Variants in CLN8 observed in about 807,000 individuals in gnomAD.
The protein encoded by CLN8 is protein CLN8.
In CLN8, 14 loss-of-function variants were observed where a neutral mutation model predicts 15.7. That is an observed-to-expected ratio of 0.89 (90% CI 0.59 to 1.39). The LOEUF is 1.39. CLN8 is among the 40% of genes most tolerant of loss of function. The pLI is 0.00. For missense variants in CLN8, 415 were observed against 364.0 expected (o/e 1.14, Z -1.14); for synonymous variants, 188 against 151.0 (o/e 1.25, Z -1.80).
chr8:1,770,501 G>C (rs1254006525), intron 1 of CLN8, among the ~76,000 whole-genome samples: 1 of 152,156 alleles, frequency 6.6e-6, no homozygotes, highest in South Asian at 2.1e-4. Flanking sequence ...AGGAGCACAG[G>C]TTTTCGTGAC....
At position 1,774,502 on chromosome 8, in the gene CLN8, C is replaced by G. The variant is rs146208425; in HGVS notation, c.543+2905C>G. ...GATAGATTCTTGCATAGTAGTAGGG[C>G]ATGAGGATTCAACATTTCTCCCCCA... On this transcript the variant is annotated intron_variant, in intron 2 of 2. Transcript: ENST00000331222. Among the ~76,000 whole-genome samples, 780 of 152,266 alleles carry G rather than the reference C, an allele frequency of 5.1e-3. 12 individuals are homozygous for G. Among genetic ancestry groups the G allele is most frequent in the African/African-American group, 0.018 (751 of 41,544 alleles).
chr8:1,770,341 A>G (rs1198515802), intron 1 of CLN8, among the ~76,000 whole-genome samples: 1 of 152,178 alleles, frequency 6.6e-6, no homozygotes, highest in East Asian at 1.9e-4. Flanking sequence ...ATGGAGTGAG[A>G]TGCAGGGGAT....
At chr8:1,773,741 G>C (rs1300504990) in intron 2 of CLN8, 1 of 152,248 alleles carries the variant, frequency 6.6e-6, no homozygotes, top group East Asian at 1.9e-4. Context: ...TGGAGGAAGA[G>C]GCCTTGGCCT....
At chr8:1,760,296 A>C (rs912871197), upstream of CLN8, 4 of 152,088 alleles carry the variant, frequency 2.6e-5, no homozygotes, top group African/African-American at 9.7e-5. Context: ...TGCACCCAAG[A>C]TAAATGTTTG....
rs1467334781 is a variant in CLN8 at position 1,781,937 on chromosome 8, T to G, written c.*1370T>G. The G allele has an allele frequency of 1.4e-5, 2 of 145,110 alleles. No homozygotes were observed. Among genetic ancestry groups the G allele is most frequent in the Non-Finnish European group, 3.0e-5 (2 of 66,710 alleles). 9.0% of individuals were successfully genotyped at this position (145,110 alleles called of 1,614,324 possible). Reference sequence around the variant, plus strand: ...TTACACAGCAATTTAGCAATGTTGTTAACAGACATACAGAATTGTGTGTGT... The same window carrying G: ...TTACACAGCAATTTAGCAATGTTGTGAACAGACATACAGAATTGTGTGTGT... On this transcript the variant is annotated 3_prime_UTR_variant, in exon 3 of 3. Coordinates refer to ENST00000331222, the MANE Select transcript of CLN8 (RefSeq NM_018941.4).
intron 2 of CLN8, among the ~76,000 whole-genome samples, chr8:1,771,943 A>ATTTATTTC (rs1228719506): frequency 6.6e-6 from 1 of 150,986 alleles, no homozygotes; most frequent in Non-Finnish European, 1.5e-5. Flanking sequence ...TTATTTATTT[A>ATTTATTTC]TTTATTTTTT....
intron 2 of CLN8, among the ~76,000 whole-genome samples, chr8:1,775,074 A>G (rs1252680343): frequency 2.0e-5 from 3 of 152,166 alleles, no homozygotes; most frequent in African/African-American, 7.2e-5. Flanking sequence ...TTCTGTATCC[A>G]TGGGTTCTGT....
At chr8:1,773,028 A>G (rs1801375451) in intron 2 of CLN8, 2 of 398,426 alleles carry the variant, frequency 5.0e-6, no homozygotes, top group East Asian at 7.1e-5. Flanking sequence ...ACTGCAGTGT[A>G]AACAGTACAG....
chr8:1,753,373 C>A (rs192483868), upstream of CLN8, among the ~76,000 whole-genome samples: 1 of 151,968 alleles, frequency 6.6e-6, no homozygotes, highest in African/African-American at 2.4e-5. Flanking sequence ...GAGTTCGAGA[C>A]CAGCCTGGCC....
rs546551795 is a variant in CLN8, at chr8:1,785,287, G to A, written c.*4720G>A. The A allele has an allele frequency of 4.2e-5, 8 of 189,370 alleles. No homozygotes were observed. Among genetic ancestry groups the A allele is most frequent in the South Asian group, 1.4e-4 (2 of 13,862 alleles). 11.7% of individuals were successfully genotyped at this position (189,370 alleles called of 1,614,324 possible). On this transcript the variant is annotated 3_prime_UTR_variant, in exon 3 of 3. Coordinates refer to ENST00000331222, the MANE Select transcript of CLN8 (RefSeq NM_018941.4). Reference sequence around the variant, plus strand: ...GGCGGCGTGGGGTTAGACAGGTACCGGTCAGACTACGGTGACACAGGCGGC... The same window carrying A: ...GGCGGCGTGGGGTTAGACAGGTACCAGTCAGACTACGGTGACACAGGCGGC...
intron 1 of CLN8, among the ~76,000 whole-genome samples, chr8:1,765,482 A>G (rs1198059514): frequency 1.3e-5 from 2 of 152,230 alleles, no homozygotes; most frequent in African/African-American, 2.4e-5. Context: ...TGTATTAAAC[A>G]TGTATTTCTG....
chr8:1,765,052 T>C (rs1321652018), intron 1 of CLN8: 2 of 152,258 alleles, frequency 1.3e-5, no homozygotes, highest in Non-Finnish European at 2.9e-5. Context: ...TGAACACTTC[T>C]GTGCCTCACT....
chr8:1,756,263 C>G (rs1467934065), intron 1 of CLN8, among the ~76,000 whole-genome samples: 1 of 152,096 alleles, frequency 6.6e-6, no homozygotes, highest in African/African-American at 2.4e-5. Flanking sequence ...GCAGGCGGAT[C>G]ATGAGGTCAG....
intron 1 of CLN8, among the ~76,000 whole-genome samples, chr8:1,765,637 A>G (rs770615384): frequency 6.6e-6 from 1 of 152,242 alleles, no homozygotes; most frequent in Non-Finnish European, 1.5e-5. Context: ...AGTTCAAAAG[A>G]GAATACACAA....
At chr8:1,763,319 G>A (rs1329620657), upstream of CLN8, 3 of 141,374 alleles carry the variant, frequency 2.1e-5, no homozygotes, top group Non-Finnish European at 3.1e-5. Flanking sequence ...CGCCCGCCAT[G>A]GTTCAGCCCG....
At chr8:1,770,203 A>G (rs74958414) in intron 1 of CLN8, among the ~76,000 whole-genome samples, 1,957 of 152,278 alleles carry the variant, frequency 0.013, 47 homozygotes, top group African/African-American at 0.045. Flanking sequence ...CCTTTAAGTG[A>G]GGACCTGACA....
At chr8:1,766,540 C>A (rs1361573860) in intron 1 of CLN8, among the ~76,000 whole-genome samples, 2 of 152,050 alleles carry the variant, frequency 1.3e-5, no homozygotes, top group African/African-American at 4.8e-5. Flanking sequence ...CAGGCGCTCG[C>A]CATCACGCCT....
At chr8:1,774,277 A>C (rs1367122097) in intron 2 of CLN8, among the ~76,000 whole-genome samples, 2 of 152,190 alleles carry the variant, frequency 1.3e-5, no homozygotes, top group Non-Finnish European at 2.9e-5. Flanking sequence ...AGGGTTATTT[A>C]AGTATTTACT....
At chr8:1,761,278 G>C (rs1800790153), upstream of CLN8, among the ~76,000 whole-genome samples, 1 of 151,390 alleles carries the variant, frequency 6.6e-6, no homozygotes, top group Non-Finnish European at 1.5e-5. Flanking sequence ...GGAGACCAGA[G>C]TTTTATTATT....
Sources: gnomAD v4.1 joint callset for allele counts (sites outside exome capture counted in the v4.1 genomes callset) on GRCh38, gnomAD v4.1.1 for gene constraint, MANE v1.5 for transcripts, NCBI Gene and HGNC (gene_info 2026-07-23, HGNC 2026-07-21) for gene names.